Variants in FOXN2 observed in about 807,000 individuals in gnomAD.
The protein encoded by FOXN2 is forkhead box protein N2.
In FOXN2, 19 loss-of-function variants were observed where a neutral mutation model predicts 41.2. That is an observed-to-expected ratio of 0.46 (90% confidence interval 0.32 to 0.68). The LOEUF is 0.68. FOXN2 is among the 30% of genes least tolerant of loss of function. FOXN2 has a pLI of 0.03. For synonymous variants in FOXN2, 195 were observed against 176.8 expected (o/e 1.10, Z -0.82); for missense variants, 587 against 509.4 (o/e 1.15, Z -1.47).
At chr2:48,357,036 A>T (rs1164335437) in intron 3 of FOXN2, among the ~76,000 whole-genome samples, 1 of 152,196 alleles carries the variant, frequency 6.6e-6, no homozygotes, top group Non-Finnish European at 1.5e-5. Context: ...TTAAGTGGAA[A>T]ATTAGTTACA....
intron 3 of FOXN2, 123 bp from the exon 4 acceptor site, chr2:48,358,924 A>G (rs1671982221): frequency 2.9e-6 from 2 of 682,224 alleles, no homozygotes; most frequent in South Asian, 1.9e-5. Context: ...AGCTCACTTC[A>G]ACCTTAGTTT....
chr2:48,314,362 T>C (rs557882438), upstream of FOXN2, among the ~76,000 whole-genome samples: 5 of 152,336 alleles, frequency 3.3e-5, no homozygotes, highest in South Asian at 2.1e-4. Context: ...TCCCCTGCCC[T>C]GCTCAGCCCT....
chr2:48,327,098 C>G (rs915474604), intron 1 of FOXN2, among the ~76,000 whole-genome samples: 1 of 152,024 alleles, frequency 6.6e-6, no homozygotes, highest in Non-Finnish European at 1.5e-5. Flanking sequence ...GACCAGACCT[C>G]TTTCCTGAAC....
chr2:48,343,858 A>G (rs1403152546), intron 2 of FOXN2, among the ~76,000 whole-genome samples: 1 of 152,100 alleles, frequency 6.6e-6, no homozygotes, highest in African/African-American at 2.4e-5. Context: ...AGTAGAGATG[A>G]TGCATTTTAA....
intron 3 of FOXN2, among the ~76,000 whole-genome samples, chr2:48,357,268 A>G (rs532735042): frequency 3.1e-4 from 47 of 152,010 alleles, no homozygotes; most frequent in African/African-American, 1.1e-3. Context: ...GGAAATAGCA[A>G]CTCTACTGTG....
chr2:48,317,940 C>G (rs530686362), intron 1 of FOXN2, among the ~76,000 whole-genome samples: 2 of 151,986 alleles, frequency 1.3e-5, no homozygotes, highest in East Asian at 1.9e-4. Context: ...TTTATATCCT[C>G]TAAATGAGAA....
chr2:48,334,275 C>T (rs533738714), intron 2 of FOXN2, among the ~76,000 whole-genome samples: 2 of 152,220 alleles, frequency 1.3e-5, no homozygotes, highest in Admixed American at 1.3e-4. Flanking sequence ...AAATTTGCAA[C>T]ACTTGTGTGG....
In FOXN2 at chr2:48,377,976, C is replaced by CT. The variant is rs1346006086; in HGVS notation, c.*2535dup. The CT allele has an allele frequency of 1.3e-5, 2 of 151,998 alleles. No homozygotes were observed. The highest frequency in any genetic ancestry group is 2.9e-5 in the Non-Finnish European group (2 of 67,878). The allele number at this position is 151,998 out of a possible 1,614,324, so 9.4% of individuals were successfully genotyped here. Reference sequence around the variant, plus strand: ...ACAAATTTTCCTGTAATAAAGTCAACTTAGAAACTCCAAGGAGGTTACATG... The same window carrying CT: ...ACAAATTTTCCTGTAATAAAGTCAACTTTAGAAACTCCAAGGAGGTTACATG... On this transcript the variant is annotated 3_prime_UTR_variant, in exon 7 of 7. Coordinates refer to ENST00000340553, the MANE Select transcript of FOXN2 (RefSeq NM_002158.4).
chr2:48,359,270 AT>A, intron 4 of FOXN2, 123 bp downstream of exon 4: 1 of 689,564 alleles, frequency 1.5e-6, no homozygotes, highest in Non-Finnish European at 2.4e-6. Flanking sequence ...TTTATGTTTT[AT>A]TTAGTTTTTA....
At chr2:48,362,733 T>C in intron 5 of FOXN2, 26 bp downstream of exon 5, 2 of 1,579,022 alleles carry the variant, frequency 1.3e-6, no homozygotes, top group Non-Finnish European at 1.7e-6. Flanking sequence ...AGTACAGTCA[T>C]GCACCACACA....
chr2:48,371,302 C>T (rs1672878878), intron 5 of FOXN2, among the ~76,000 whole-genome samples: 2 of 152,012 alleles, frequency 1.3e-5, no homozygotes, highest in South Asian at 4.1e-4. Flanking sequence ...GGAGACTGAG[C>T]ACAAGAATCG....
At chr2:48,362,403 C>CA (rs1672248635) in intron 4 of FOXN2, among the ~76,000 whole-genome samples, 1 of 151,548 alleles carries the variant, frequency 6.6e-6, no homozygotes, top group Non-Finnish European at 1.5e-5. Context: ...CTTTCTCTAC[C>CA]AAAAAAAATT....
In FOXN2 at chr2:48,370,165, G is replaced by A. The variant is rs569354143; in HGVS notation, c.704-3127G>A. 1.6e-4 allele frequency among the ~76,000 whole-genome samples: 25 copies of A among 152,316 alleles called. 1 individual carries two copies. The South Asian group carries it at 5.2e-3, about 32-fold the overall frequency. On this transcript the variant is annotated intron_variant, in intron 5 of 6. Transcript: ENST00000340553. ...CAGCCCACATTCCATTCGTCTAGCT[G>A]TGTGCCTTGAATAGGGAACCATTCA...
At position 48,376,205 on chromosome 2, in the gene FOXN2, T is replaced by G. The variant is rs1013419741; in HGVS notation, c.*762T>G. ...CCCAAAGTGCTTTGCAAACATTAAG[T>G]TTTAGCCACTAGCTGCCTTTGTTGA... On this transcript the variant is annotated 3_prime_UTR_variant, in exon 7 of 7. Transcript: ENST00000340553. 2.6e-5 allele frequency: 4 copies of G among 152,132 alleles called. No homozygotes were observed. Among genetic ancestry groups the G allele is most frequent in the Non-Finnish European group, 5.9e-5 (4 of 68,000 alleles). The allele number at this position is 152,132 out of a possible 1,614,324, so 9.4% of individuals were successfully genotyped here. A position where few individuals can be genotyped will look rare whatever the true frequency, so the allele number is the denominator to read the frequency against.
intron 1 of FOXN2, among the ~76,000 whole-genome samples, chr2:48,323,673 C>T (rs1338627073): frequency 6.6e-6 from 1 of 152,086 alleles, no homozygotes; most frequent in African/African-American, 2.4e-5. Context: ...TCCCATTCCA[C>T]ATGTGGGTTC....
intron 5 of FOXN2, among the ~76,000 whole-genome samples, chr2:48,367,905 C>T (rs765261493): frequency 3.0e-4 from 45 of 152,306 alleles, no homozygotes; most frequent in Admixed American, 4.6e-4. Context: ...TGCAGTGGCA[C>T]GATCTTCGCT....
chr2:48,361,278 C>T (rs561930251), intron 4 of FOXN2, among the ~76,000 whole-genome samples: 1 of 151,836 alleles, frequency 6.6e-6, no homozygotes, highest in Non-Finnish European at 1.5e-5. Flanking sequence ...ACTAGCCTGG[C>T]CAACATGTTG....
intron 1 of FOXN2, among the ~76,000 whole-genome samples, chr2:48,320,072 C>G (rs1021286829): frequency 6.6e-6 from 1 of 151,720 alleles, no homozygotes; most frequent in African/African-American, 2.4e-5. Flanking sequence ...AGAGGAAATA[C>G]AGAAAAAAAG....
chr2:48,330,921 A>G (rs1428559272), intron 2 of FOXN2, among the ~76,000 whole-genome samples: 6 of 152,132 alleles, frequency 3.9e-5, no homozygotes, highest in African/African-American at 1.2e-4. Context: ...TTTGAGGTTA[A>G]TTATTCCTTG....
Sources: gnomAD v4.1 joint callset for allele counts (sites outside exome capture counted in the v4.1 genomes callset) on GRCh38, gnomAD v4.1.1 for gene constraint, MANE v1.5 for transcripts, NCBI Gene and HGNC (gene_info 2026-07-23, HGNC 2026-07-21) for gene names.